TYW1: variants seen among roughly 807,000 people sequenced by gnomAD.
TYW1 encodes the protein tRNA-yW synthesizing protein 1 homolog.
A neutral mutation model predicts 96.2 loss-of-function variants in TYW1; 46 were observed. The observed-to-expected ratio is 0.48, with a 90% CI of 0.38 to 0.61. The LOEUF is 0.61. TYW1 is among the 20% of genes least tolerant of loss of function. The pLI is 0.00. For missense variants in TYW1, 684 were observed against 909.6 expected (o/e 0.75, Z 3.19); for synonymous variants, 274 against 323.0 (o/e 0.85, Z 1.63).
At chr7:67,177,867 A>C (rs1307700023) in intron 13 of TYW1, among the ~76,000 whole-genome samples, 1 of 151,772 alleles carries the variant, frequency 6.6e-6, no homozygotes, top group Admixed American at 6.6e-5. Context: ...TCAAGAGACA[A>C]GTACAGCTGG....
intron 13 of TYW1, among the ~76,000 whole-genome samples, chr7:67,140,888 C>A (rs1394544771): frequency 1.3e-5 from 2 of 152,114 alleles, no homozygotes; most frequent in African/African-American, 4.8e-5. Flanking sequence ...ATGGTTCAAC[C>A]ACACATTGAA....
At chr7:67,173,186 C>CT (rs1053662357) in intron 13 of TYW1, among the ~76,000 whole-genome samples, 1 of 151,990 alleles carries the variant, frequency 6.6e-6, no homozygotes, top group African/African-American at 2.4e-5. Flanking sequence ...GTTTTTATAA[C>CT]TTTTTTTCTC....
At chr7:67,006,530 C>T (rs1287186620) in intron 3 of TYW1, among the ~76,000 whole-genome samples, 2 of 148,740 alleles carry the variant, frequency 1.3e-5, no homozygotes, top group Non-Finnish European at 1.5e-5. Flanking sequence ...GCCTCTGCCT[C>T]CCAGGCTCAA....
intron 13 of TYW1, among the ~76,000 whole-genome samples, chr7:67,145,773 G>A (rs1360692565): frequency 2.0e-5 from 3 of 147,376 alleles, no homozygotes; most frequent in Non-Finnish European, 3.0e-5. Context: ...GGGTTTTTTT[G>A]AGACAGGGTT....
chr7:67,094,739 G>A (rs562095798), intron 11 of TYW1, among the ~76,000 whole-genome samples: 1 of 151,874 alleles, frequency 6.6e-6, no homozygotes, highest in African/African-American at 2.4e-5. Flanking sequence ...CCCAGAGAAT[G>A]ACTGTATGTT....
chr7:67,039,459 A>C (rs1165249766), intron 7 of TYW1, among the ~76,000 whole-genome samples: 1 of 146,162 alleles, frequency 6.8e-6, no homozygotes, highest in East Asian at 2.0e-4. Flanking sequence ...CTCCGTCTCA[A>C]AAAAAAAAAA....
At chr7:67,031,170 G>T in intron 7 of TYW1, among the ~76,000 whole-genome samples, 2 of 136,036 alleles carry the variant, frequency 1.5e-5, no homozygotes, top group Non-Finnish European at 3.1e-5. Flanking sequence ...TCCAGCCTAG[G>T]CGACAGAGCG....
At chr7:67,058,387 G>A (rs993874020) in intron 9 of TYW1, among the ~76,000 whole-genome samples, 7 of 152,200 alleles carry the variant, frequency 4.6e-5, no homozygotes, top group Non-Finnish European at 7.3e-5. Flanking sequence ...AGAGCGGTGT[G>A]GCAGGAGCTC....
intron 15 of TYW1, among the ~76,000 whole-genome samples, chr7:67,202,504 C>T (rs923237784): frequency 1.3e-5 from 2 of 152,140 alleles, no homozygotes; most frequent in Non-Finnish European, 2.9e-5. Flanking sequence ...TCCAGCAGTC[C>T]TCCTGCTTAA....
At chr7:67,205,581 T>C (rs1273257398) in intron 15 of TYW1, among the ~76,000 whole-genome samples, 1 of 151,770 alleles carries the variant, frequency 6.6e-6, no homozygotes, top group African/African-American at 2.4e-5. Flanking sequence ...CCGCTCACCT[T>C]CTCTGATACC....
chr7:67,024,333 T>A (rs1179896221), intron 6 of TYW1, among the ~76,000 whole-genome samples: 1 of 152,056 alleles, frequency 6.6e-6, no homozygotes, highest in Admixed American at 6.6e-5. Context: ...TCTGGCTAAT[T>A]GTATACATTT....
At chr7:67,218,009 C>A (rs190176171) in intron 15 of TYW1, among the ~76,000 whole-genome samples, 2,381 of 151,842 alleles carry the variant, frequency 0.016, 30 homozygotes, top group Admixed American at 0.044. Context: ...CAGGCACCTG[C>A]CACCATGCCC....
chr7:67,238,182 T>C (rs932434947), intron 15 of TYW1, 126 bp from the exon 16 acceptor site: 54 of 1,402,740 alleles, frequency 3.8e-5, no homozygotes, highest in Non-Finnish European at 4.9e-5. Context: ...TTTGTGTTTG[T>C]TTTTGTTTTT....
At position 67,168,887 on chromosome 7, in the gene TYW1, T is replaced by C. The variant is rs2116251805; in HGVS notation, c.1699-14239T>C. ...ACACCATGCCTGGCTAATTTTTGAA[T>C]TTTTAGTAAAGACGAGGTTTCACAG... On this transcript the variant is annotated intron_variant, in intron 13 of 15. Coordinates refer to ENST00000359626, the MANE Select transcript of TYW1 (RefSeq NM_018264.4). Among the ~76,000 whole-genome samples, 4 of 152,150 alleles carry C rather than the reference T, an allele frequency of 2.6e-5. No homozygotes were observed. In the Middle Eastern group the frequency reaches 0.01, roughly 388 times the overall value.
At chr7:67,149,734 C>CTATCTATCTATG (rs1413986540) in intron 13 of TYW1, among the ~76,000 whole-genome samples, 173 of 117,272 alleles carry the variant, frequency 1.5e-3, no homozygotes, top group Non-Finnish European at 2.7e-3. Context: ...ATCTATCTAT[C>CTATCTATCTATG]TATCTATCTA....
intron 7 of TYW1, among the ~76,000 whole-genome samples, chr7:67,029,415 G>GTGTGTGTGTATA (rs1241213574): frequency 4.2e-5 from 4 of 94,320 alleles, no homozygotes; most frequent in South Asian, 3.3e-4. Flanking sequence ...GTGTGTGTGT[G>GTGTGTGTGTATA]TATATATATA....
chr7:67,016,168 G>A (rs1007112454), intron 5 of TYW1, among the ~76,000 whole-genome samples: 8 of 150,610 alleles, frequency 5.3e-5, no homozygotes, highest in African/African-American at 1.7e-4. Context: ...CATTTGCATT[G>A]TGTACCTCTT....
chr7:67,174,707 G>A lies in TYW1; in HGVS notation c.1699-8419G>A, dbSNP rs553084791. On this transcript the variant is annotated intron_variant, in intron 13 of 15. Transcript: ENST00000359626. The stretch of plus-strand genomic sequence containing the variant: ...GGAAATAAAAAACATCCATAAAATA[G>A]GATTATAAAAAAGCGGAAGTTGGTT... Among the ~76,000 whole-genome samples, 141 of 150,774 alleles carry A rather than the reference G, an allele frequency of 9.4e-4. 2 individuals carry two copies. The highest frequency in any genetic ancestry group is 7.0e-3 in the Middle Eastern group (2 of 286).
intron 15 of TYW1, among the ~76,000 whole-genome samples, chr7:67,208,746 A>T (rs369628362): frequency 5.2e-4 from 79 of 152,070 alleles, no homozygotes; most frequent in African/African-American, 1.8e-3. Context: ...CATCAGTTGA[A>T]TATTTACATT....
Sources: gnomAD v4.1 joint callset for allele counts (sites outside exome capture counted in the v4.1 genomes callset) on GRCh38, gnomAD v4.1.1 for gene constraint, MANE v1.5 for transcripts, NCBI Gene and HGNC (gene_info 2026-07-23, HGNC 2026-07-21) for gene names.